RASAL2: variants seen among roughly 807,000 people sequenced by gnomAD.
RASAL2 encodes ras GTPase-activating protein nGAP.
A neutral mutation model predicts 128.9 loss-of-function variants in RASAL2; 58 were observed. The ratio of observed to expected loss-of-function variants is 0.45; its 90% CI spans 0.36 to 0.56. The LOEUF is 0.56. Among genes scored for constraint, RASAL2 ranks in the 20% least tolerant of loss-of-function variants. The pLI, the probability that RASAL2 is intolerant of heterozygous loss-of-function variation, is 0.00. For missense variants in RASAL2, 1,360 were observed against 1,601.6 expected (o/e 0.85, Z 2.57); for synonymous variants, 561 against 580.8 (o/e 0.97, Z 0.49).
At chr1:178,161,222 A>G (rs1306158338) in intron 1 of RASAL2, among the ~76,000 whole-genome samples, 1 of 152,180 alleles carries the variant, frequency 6.6e-6, no homozygotes, top group South Asian at 2.1e-4. Context: ...ACTACCGTCT[A>G]GTTCCAGAAC....
chr1:178,427,153 T>G (rs1675565081), intron 5 of RASAL2, among the ~76,000 whole-genome samples: 1 of 152,106 alleles, frequency 6.6e-6, no homozygotes, highest in Non-Finnish European at 1.5e-5. Context: ...TTGGCAGCAT[T>G]TTCACATTAA....
intron 2 of RASAL2, among the ~76,000 whole-genome samples, chr1:178,297,607 CA>C (rs34825546): frequency 0.31 from 17,657 of 57,220 alleles, 1,092 homozygotes; most frequent in African/African-American, 0.47. Context: ...GACTCCATCT[CA>C]AAAAAAAAAA....
In RASAL2 at chr1:178,196,243, G is replaced by A. The variant is rs866660690; in HGVS notation, c.203-87321G>A. 3.5e-4 allele frequency among the ~76,000 whole-genome samples: 53 copies of A among 151,968 alleles called. 1 individual carries two copies. The highest frequency in any genetic ancestry group is 3.4e-3 in the Middle Eastern group (1 of 294). On this transcript the variant is annotated intron_variant, in intron 1 of 17. Coordinates refer to ENST00000367649, the MANE Select transcript of RASAL2 (RefSeq NM_170692.4). ...TATACCTAAAAATATATTGCCTTAC[G>A]AATTTGGGGGCCATTCATATTCATT...
intron 1 of RASAL2, among the ~76,000 whole-genome samples, chr1:178,252,726 C>G (rs1353625707): frequency 1.3e-5 from 2 of 152,138 alleles, no homozygotes; most frequent in Non-Finnish European, 2.9e-5. Flanking sequence ...GGGTCTGATG[C>G]AAGAAAATCC....
At chr1:178,382,832 A>G (rs372133176) in intron 3 of RASAL2, among the ~76,000 whole-genome samples, 1 of 152,172 alleles carries the variant, frequency 6.6e-6, no homozygotes, top group African/African-American at 2.4e-5. Flanking sequence ...ATCATCATTA[A>G]GATACCCACT....
intron 4 of RASAL2, among the ~76,000 whole-genome samples, chr1:178,414,574 A>C (rs1361092153): frequency 6.6e-6 from 1 of 151,784 alleles, no homozygotes; most frequent in Admixed American, 6.6e-5. Context: ...GGAACATTGG[A>C]AATCTTTATA....
At chr1:178,246,044 A>C (rs749699316) in intron 1 of RASAL2, among the ~76,000 whole-genome samples, 2 of 152,196 alleles carry the variant, frequency 1.3e-5, no homozygotes, top group Admixed American at 1.3e-4. Context: ...TGTCTTGGCT[A>C]TACAGGCTCT....
chr1:178,418,443 A>G (rs1674916666), intron 4 of RASAL2, among the ~76,000 whole-genome samples: 1 of 152,120 alleles, frequency 6.6e-6, no homozygotes, highest in African/African-American at 2.4e-5. Flanking sequence ...CCTTTAGTCA[A>G]TCTCTACATA....
rs546849266 is a variant in RASAL2 at position 178,172,861 on chromosome 1, AG to A, written c.202+78169del. Among the ~76,000 whole-genome samples the A allele has an allele frequency of 4.4e-3, 667 of 152,260 alleles. 3 individuals are homozygous for A. Among genetic ancestry groups the A allele is most frequent in the Middle Eastern group, 6.8e-3 (2 of 294 alleles). On this transcript the variant is annotated intron_variant, in intron 1 of 17. Coordinates refer to ENST00000367649, the MANE Select transcript of RASAL2 (RefSeq NM_170692.4). The stretch of plus-strand genomic sequence containing the variant: ...TCATTGGTGACATGATTTTTCAAAA[AG>A]GTCAACAACCTTGGTAAAGTTCCAA...
chr1:178,110,102 GA>G (rs1659240408), intron 1 of RASAL2, among the ~76,000 whole-genome samples: 1 of 152,224 alleles, frequency 6.6e-6, no homozygotes, highest in South Asian at 2.1e-4. Context: ...TGATGTATTT[GA>G]AATAAGTAAC....
chr1:178,242,783 G>T (rs1399012893), intron 1 of RASAL2, among the ~76,000 whole-genome samples: 1 of 152,124 alleles, frequency 6.6e-6, no homozygotes, highest in African/African-American at 2.4e-5. Flanking sequence ...GCTGGAGTGA[G>T]TGGTGCCATC....
intron 2 of RASAL2, among the ~76,000 whole-genome samples, chr1:178,297,282 A>G (rs1434911277): frequency 1.3e-5 from 2 of 152,104 alleles, no homozygotes; most frequent in African/African-American, 2.4e-5. Context: ...TTAAAGGAGT[A>G]GATCAATATC....
intron 3 of RASAL2, among the ~76,000 whole-genome samples, chr1:178,328,932 A>G (rs976618717): frequency 6.6e-6 from 1 of 152,168 alleles, no homozygotes; most frequent in African/African-American, 2.4e-5. Flanking sequence ...CTCCCCAGCT[A>G]TATTTGTTCC....
intron 1 of RASAL2, among the ~76,000 whole-genome samples, chr1:178,155,298 TATC>T (rs1350002606): frequency 6.6e-6 from 1 of 152,164 alleles, no homozygotes; most frequent in African/African-American, 2.4e-5. Context: ...CAATTCTGAG[TATC>T]ATCAAGTTTC....
At chr1:178,120,656 T>G (rs1180765384) in intron 1 of RASAL2, among the ~76,000 whole-genome samples, 1 of 152,150 alleles carries the variant, frequency 6.6e-6, no homozygotes, top group Non-Finnish European at 1.5e-5. Flanking sequence ...AGCAATTGAT[T>G]TATTATGGTC....
chr1:178,196,346 T>C (rs1662658649), intron 1 of RASAL2, among the ~76,000 whole-genome samples: 1 of 152,214 alleles, frequency 6.6e-6, no homozygotes, highest in East Asian at 1.9e-4. Context: ...ATTTGCAACA[T>C]GTAAAACAAA....
chr1:178,299,601 G>C (rs1667672822), intron 2 of RASAL2, among the ~76,000 whole-genome samples: 1 of 151,824 alleles, frequency 6.6e-6, no homozygotes, highest in Non-Finnish European at 1.5e-5. Context: ...AGGTTCAAGC[G>C]ATTCTCCTGT....
intron 1 of RASAL2, among the ~76,000 whole-genome samples, chr1:178,199,294 C>T (rs192441842): frequency 1.6e-4 from 24 of 152,276 alleles, no homozygotes; most frequent in Middle Eastern, 3.4e-3. Context: ...TTCAGCTCGC[C>T]CTCCGTGGGC....
rs777842018 is a variant in RASAL2 at position 178,094,567 on chromosome 1, C to G, written c.75C>G (p.Ser25=). ...SWPEMFPALE[S]DSPLPPEDLD... ...CGGAGATGTTCCCGGCGCTGGAGTC[C>G]GACTCGCCGCTGCCCCCGGAGGACC... The change falls in exon 1 of 18, where the codon TCC becomes TCG. Residue 25 remains serine, a synonymous_variant. Coordinates refer to ENST00000367649, the MANE Select transcript of RASAL2 (RefSeq NM_170692.4). The G allele has an allele frequency of 1.3e-6, 2 of 1,599,594 alleles. No individual in the cohort carries two copies.
Sources: allele counts gnomAD v4.1 joint callset (sites outside exome capture counted in the v4.1 genomes callset), GRCh38; gene constraint gnomAD v4.1.1; transcripts MANE v1.5; gene names NCBI Gene and HGNC (gene_info 2026-07-23, HGNC 2026-07-21).